Variants in SPATA16 observed in about 807,000 individuals in gnomAD.
The protein encoded by SPATA16 is spermatogenesis associated 16.
In SPATA16, 36 loss-of-function variants were observed where a neutral mutation model predicts 63.3. The ratio of observed to expected loss-of-function variants is 0.57; its 90% CI spans 0.44 to 0.75. The LOEUF is 0.75. Among genes scored for constraint, SPATA16 ranks in the 30% least tolerant of loss-of-function variants. The pLI, the probability that SPATA16 is intolerant of heterozygous loss-of-function variation, is 0.00. For synonymous variants in SPATA16, 203 were observed against 216.7 expected, an observed-to-expected ratio of 0.94 and a Z score of 0.56; for missense variants, 646 against 679.3, an observed-to-expected ratio of 0.95 and a Z score of 0.54.
chr3:172,948,707 A>AGG (rs1733356715), intron 6 of SPATA16, among the ~76,000 whole-genome samples: 1 of 152,052 alleles, frequency 6.6e-6, no homozygotes, highest in Non-Finnish European at 1.5e-5. Context: ...GGTTCAAGTG[A>AGG]TTCTCCCACC....
chr3:173,030,094 CTATCTAT>C (rs1735567722), intron 3 of SPATA16, among the ~76,000 whole-genome samples: 4 of 149,018 alleles, frequency 2.7e-5, no homozygotes, highest in African/African-American at 5.2e-5. Context: ...ATCTATCTAT[CTATCTAT>C]CTACCCACCC....
intron 2 of SPATA16, among the ~76,000 whole-genome samples, chr3:173,068,088 CT>C (rs143789760): frequency 0.19 from 28,284 of 151,978 alleles, 2,985 homozygotes; most frequent in African/African-American, 0.29. Context: ...AAAAGAAGTG[CT>C]AAAGAAAGTT....
chr3:173,088,082 C>A (rs1404562893), intron 2 of SPATA16, among the ~76,000 whole-genome samples: 2 of 80,086 alleles, frequency 2.5e-5, no homozygotes, highest in South Asian at 7.7e-4. Flanking sequence ...TTCTTTCTGT[C>A]TTTTCTTTTT....
At chr3:172,945,887 C>T (rs970661182) in intron 6 of SPATA16, among the ~76,000 whole-genome samples, 2 of 152,120 alleles carry the variant, frequency 1.3e-5, no homozygotes, top group African/African-American at 4.8e-5. Context: ...GGGTACATGA[C>T]ACTAGGGAGA....
At position 172,908,319 on chromosome 3, in the gene SPATA16, A is replaced by T. The variant is rs548796535; in HGVS notation, c.1587+5342T>A. 3.8e-3 allele frequency among the ~76,000 whole-genome samples: 574 copies of T among 151,154 alleles called. 6 individuals carry two copies. Among genetic ancestry groups the T allele is most frequent in the African/African-American group, 0.013 (520 of 41,430 alleles). ...ACACATAAAAATTTACCTTTTTTTA[A>T]AAAAAAATCATAACCTGGTCATTTT... is the stretch of plus-strand genomic sequence containing the variant. On this transcript the variant is annotated intron_variant, in intron 10 of 10. Coordinates refer to ENST00000351008, the MANE Select transcript of SPATA16 (RefSeq NM_031955.6).
chr3:173,013,098 T>A (rs1419719512), intron 4 of SPATA16, among the ~76,000 whole-genome samples: 1 of 152,040 alleles, frequency 6.6e-6, no homozygotes, highest in Admixed American at 6.6e-5. Flanking sequence ...CCATTAAAAA[T>A]TAGGCAAAGA....
intron 2 of SPATA16, among the ~76,000 whole-genome samples, chr3:173,108,725 A>G (rs1029349749): frequency 6.6e-6 from 1 of 152,200 alleles, no homozygotes; most frequent in African/African-American, 2.4e-5. Flanking sequence ...GCAGCCCTAT[A>G]CAGGTGTACC....
At chr3:173,069,112 G>GAAAAAAAAA (rs541801266) in intron 2 of SPATA16, among the ~76,000 whole-genome samples, 28 of 108,948 alleles carry the variant, frequency 2.6e-4, no homozygotes, top group South Asian at 7.6e-4. Context: ...TCCGTCTCAA[G>GAAAAAAAAA]AAAAAAAAAA....
chr3:172,972,874 C>T (rs115313647), intron 5 of SPATA16, among the ~76,000 whole-genome samples: 2,839 of 152,132 alleles, frequency 0.019, 42 homozygotes, highest in Admixed American at 0.032. Flanking sequence ...AACAAATTGC[C>T]GACATAGATA....
intron 9 of SPATA16, 41 bp downstream of exon 9, chr3:172,916,268 TCTGTTGGC>T: frequency 6.3e-7 from 1 of 1,596,366 alleles, no homozygotes; most frequent in Non-Finnish European, 8.6e-7. Flanking sequence ...ATATCACTTT[TCTGTTGGC>T]TCTGGGCCTA....
chr3:173,062,533 T>A (rs1340286911), intron 2 of SPATA16, among the ~76,000 whole-genome samples: 1 of 152,200 alleles, frequency 6.6e-6, no homozygotes, highest in Non-Finnish European at 1.5e-5. Flanking sequence ...TTATTAAATC[T>A]TATTTAATAT....
intron 4 of SPATA16, among the ~76,000 whole-genome samples, chr3:173,004,925 T>C (rs1444692293): frequency 6.6e-6 from 1 of 152,194 alleles, no homozygotes; most frequent in African/African-American, 2.4e-5. Flanking sequence ...TTGGCAACAC[T>C]TAGGTATTAG....
chr3:172,911,996 A>G (rs752512934), intron 10 of SPATA16, among the ~76,000 whole-genome samples: 1 of 152,210 alleles, frequency 6.6e-6, no homozygotes, highest in Non-Finnish European at 1.5e-5. Context: ...AATATACTCT[A>G]AAACATTCCA....
At chr3:172,998,677 T>C (rs1428452981) in intron 4 of SPATA16, among the ~76,000 whole-genome samples, 1 of 152,144 alleles carries the variant, frequency 6.6e-6, no homozygotes, top group East Asian at 1.9e-4. Flanking sequence ...GCTGTAGGTT[T>C]TTTGTAGACT....
chr3:173,047,038 G>A (rs539654061), intron 3 of SPATA16, among the ~76,000 whole-genome samples: 40 of 151,884 alleles, frequency 2.6e-4, no homozygotes, highest in African/African-American at 7.7e-4. Context: ...CATTAAATTC[G>A]GTAATTTTCA....
chr3:173,007,727 A>G (rs1052555174), intron 4 of SPATA16, among the ~76,000 whole-genome samples: 1 of 152,160 alleles, frequency 6.6e-6, no homozygotes, highest in Non-Finnish European at 1.5e-5. Flanking sequence ...TTTGTGGCAA[A>G]TAGTGAATTC....
chr3:172,898,818 A>G (rs1732063444), intron 10 of SPATA16, among the ~76,000 whole-genome samples: 1 of 151,308 alleles, frequency 6.6e-6, no homozygotes, highest in East Asian at 1.9e-4. Flanking sequence ...GATTTGAGAT[A>G]GCTTCTTCTT....
chr3:172,947,530 T>TCTGC (rs374461224), intron 6 of SPATA16, among the ~76,000 whole-genome samples: 13,241 of 152,156 alleles, frequency 0.087, 1,923 homozygotes, highest in African/African-American at 0.3. Context: ...AATATCTGAA[T>TCTGC]ATTGTTTACA....
chr3:172,916,259 T>G, intron 9 of SPATA16, 58 bp downstream of exon 9: 1 of 1,511,168 alleles, frequency 6.6e-7, no homozygotes, highest in Non-Finnish European at 9.1e-7. Context: ...CCCCAGACCA[T>G]ATCACTTTTC....
Sources: gnomAD v4.1 joint callset for allele counts (sites outside exome capture counted in the v4.1 genomes callset) on GRCh38, gnomAD v4.1.1 for gene constraint, MANE v1.5 for transcripts, NCBI Gene and HGNC (gene_info 2026-07-23, HGNC 2026-07-21) for gene names.